ADGRL2: variants seen among roughly 807,000 people sequenced by gnomAD.
ADGRL2 encodes adhesion G protein-coupled receptor L2, also known as calcium-independent alpha-latrotoxin receptor 2.
ADGRL2 carries 44 observed loss-of-function variants against 157.4 expected under a neutral mutation model. The observed-to-expected ratio is 0.28, with a 90% CI of 0.22 to 0.36. The LOEUF (loss-of-function observed/expected upper bound fraction) is 0.36, where lower values mean the gene tolerates loss of function less well. ADGRL2 is among the 10% of genes least tolerant of loss of function. ADGRL2 has a pLI of 1.00. For missense variants in ADGRL2, 1,510 were observed against 1,768.9 expected (o/e 0.85, Z 2.63); for synonymous variants, 585 against 624.7 (o/e 0.94, Z 0.95).
At chr1:81,761,099 A>G (rs967364196) in intron 1 of ADGRL2, among the ~76,000 whole-genome samples, 6 of 151,844 alleles carry the variant, frequency 4.0e-5, no homozygotes, top group Non-Finnish European at 5.9e-5. Flanking sequence ...ACAAAAACCA[A>G]CTTTTTAATT....
intron 2 of ADGRL2, among the ~76,000 whole-genome samples, chr1:81,787,984 G>T (rs2087138966): frequency 6.6e-6 from 1 of 151,934 alleles, no homozygotes; most frequent in African/African-American, 2.4e-5. Flanking sequence ...GTTTATAGGG[G>T]CCAGGAAGAA....
chr1:81,375,954 T>G (rs533983848), intron 1 of ADGRL2, among the ~76,000 whole-genome samples: 1 of 152,328 alleles, frequency 6.6e-6, no homozygotes. Flanking sequence ...GGTCTTATAC[T>G]TACTAACTTT....
intron 1 of ADGRL2, among the ~76,000 whole-genome samples, chr1:81,820,877 G>A (rs572673899): frequency 9.7e-4 from 147 of 152,224 alleles, no homozygotes; most frequent in Non-Finnish European, 1.5e-3. Context: ...CATGCAAGTA[G>A]GAATCTTTTG....
At chr1:81,403,568 A>G (rs576935442) in intron 1 of ADGRL2, among the ~76,000 whole-genome samples, 1,586 of 152,014 alleles carry the variant, frequency 0.01, 27 homozygotes, top group African/African-American at 0.034. Flanking sequence ...GCCTGGCCAT[A>G]ACACTTTTTC....
intron 1 of ADGRL2, among the ~76,000 whole-genome samples, chr1:81,431,559 T>C (rs1197928967): frequency 6.6e-5 from 10 of 152,220 alleles, no homozygotes; most frequent in Admixed American, 5.9e-4. Context: ...TTCAGGGTTA[T>C]GATGGAACTG....
intron 1 of ADGRL2, among the ~76,000 whole-genome samples, chr1:81,414,558 G>A (rs551878867): frequency 6.6e-6 from 1 of 152,198 alleles, no homozygotes. Context: ...AGGGAGGCTG[G>A]AAGGATGGCC....
chr1:81,350,003 T>C (rs893626905), intron 1 of ADGRL2, among the ~76,000 whole-genome samples: 1 of 152,140 alleles, frequency 6.6e-6, no homozygotes, highest in Non-Finnish European at 1.5e-5. Flanking sequence ...CCAACCCATA[T>C]CAAACTTAAA....
At chr1:81,361,281 C>A (rs563926270) in intron 1 of ADGRL2, among the ~76,000 whole-genome samples, 36 of 151,960 alleles carry the variant, frequency 2.4e-4, no homozygotes, top group African/African-American at 8.4e-4. Context: ...TATTATAATG[C>A]CATTTGGGAT....
At chr1:81,364,294 C>T (rs563586467) in intron 1 of ADGRL2, among the ~76,000 whole-genome samples, 1 of 151,806 alleles carries the variant, frequency 6.6e-6, no homozygotes, top group East Asian at 1.9e-4. Flanking sequence ...TGTGTTATGA[C>T]CAATTTCCTG....
intron 2 of ADGRL2, among the ~76,000 whole-genome samples, chr1:81,453,096 G>A (rs542435209): frequency 6.6e-6 from 1 of 152,294 alleles, no homozygotes; most frequent in South Asian, 2.1e-4. Flanking sequence ...AAGTAAAACT[G>A]CGAAGACTTG....
At position 81,386,213 on chromosome 1, in the gene ADGRL2, G is replaced by C. The variant is rs140593190; in HGVS notation, c.-301-58823G>C. ...TGTCTGACTGTTCCTCTATCTAAAT[G>C]AAATAAAACAGACACAGTCTCTTTT... On this transcript the variant is annotated intron_variant, in intron 1 of 24. Coordinates refer to the ADGRL2 transcript ENST00000370721. Among the ~76,000 whole-genome samples the C allele has an allele frequency of 3.8e-3, 585 of 152,130 alleles. 2 individuals are homozygous for C. Among genetic ancestry groups the C allele is most frequent in the South Asian group, 0.036 (174 of 4,822 alleles).
intron 1 of ADGRL2, among the ~76,000 whole-genome samples, chr1:81,813,902 A>G (rs1422299085): frequency 1.3e-5 from 2 of 151,604 alleles, no homozygotes; most frequent in East Asian, 3.9e-4. Flanking sequence ...TAACTGTCAT[A>G]GAGTGCATAA....
rs375600667 is a variant in ADGRL2, at chr1:81,990,958, G to A, written c.4223G>A (p.Arg1408Lys). The change falls in exon 24 of 24, where the codon AGG becomes AAG. Residue 1408 changes from arginine to lysine, a missense_variant. Around this residue, in one of 4 missense-constraint regions of ADGRL2, gnomAD observed 327 missense variants for 310.1 expected, o/e 1.05. Coordinates refer to ENST00000686636, the MANE Select transcript of ADGRL2 (RefSeq NM_001366006.2). ...ATGGAAGAAGACCTCTCTCCCTCCA[G>A]GAGGAGTGAGAATGAGGACATTTAC... ...PDMEEDLSPS[R>K]RSENEDIYYK... 58 of 1,613,652 alleles carry A rather than the reference G, an allele frequency of 3.6e-5. No individual in the cohort carries two copies. The Admixed American group carries it at 4.2e-4, about 12-fold the overall frequency.
intron 3 of ADGRL2, among the ~76,000 whole-genome samples, chr1:81,687,139 T>C (rs547699311): frequency 1.3e-5 from 2 of 152,324 alleles, no homozygotes; most frequent in South Asian, 4.1e-4. Flanking sequence ...GTTCTGTATA[T>C]ATCTGTTAAG....
chr1:81,444,865 A>T (rs1242150388), intron 1 of ADGRL2, among the ~76,000 whole-genome samples: 1 of 152,130 alleles, frequency 6.6e-6, no homozygotes, highest in African/African-American at 2.4e-5. Context: ...TATCCATCTC[A>T]TCTAAATTCT....
chr1:81,353,287 C>A (rs957243467), intron 1 of ADGRL2, among the ~76,000 whole-genome samples: 8 of 152,084 alleles, frequency 5.3e-5, no homozygotes, highest in African/African-American at 1.9e-4. Flanking sequence ...AGATTGGGTC[C>A]TTTTATTCCA....
intron 3 of ADGRL2, among the ~76,000 whole-genome samples, chr1:81,694,429 C>T (rs535413014): frequency 7.3e-4 from 111 of 151,466 alleles, no homozygotes; most frequent in Non-Finnish European, 1.3e-3. Context: ...ATGTTTAGCA[C>T]ACTATCTGGT....
At chr1:81,390,454 A>AG (rs2076520811) in intron 1 of ADGRL2, among the ~76,000 whole-genome samples, 2 of 152,294 alleles carry the variant, frequency 1.3e-5, no homozygotes, top group Non-Finnish European at 2.9e-5. Flanking sequence ...TGGATAGAGA[A>AG]AGAGATGTAA....
chr1:81,470,200 A>T (rs1294493187), intron 2 of ADGRL2, among the ~76,000 whole-genome samples: 1 of 152,214 alleles, frequency 6.6e-6, no homozygotes, highest in East Asian at 1.9e-4. Context: ...AGTTATATAC[A>T]TCTATAACTG....
Sources: gnomAD v4.1 joint callset for allele counts (sites outside exome capture counted in the v4.1 genomes callset) on GRCh38, gnomAD v4.1.1 for gene constraint, gnomAD v4.1.1 regional missense constraint, MANE v1.5 for transcripts, NCBI Gene and HGNC (gene_info 2026-07-23, HGNC 2026-07-21) for gene names.